Variants in CAPZB observed in about 807,000 individuals in gnomAD.
CAPZB encodes the protein capping actin protein of muscle Z-line subunit beta.
CAPZB carries 2 observed loss-of-function variants against 38.1 expected under a neutral mutation model. That is an observed-to-expected ratio of 0.05 (90% CI 0.02 to 0.17). The LOEUF is 0.17. CAPZB is among the 10% of genes least tolerant of loss of function. CAPZB has a pLI of 1.00. For synonymous variants in CAPZB, 107 were observed against 127.4 expected (o/e 0.84, Z 1.08); for missense variants, 161 against 334.2 (o/e 0.48, Z 4.04).
At position 19,475,845 on chromosome 1, in the gene CAPZB, T is replaced by G. The variant is rs549542238; in HGVS notation, c.3+9591A>C. 2.4e-4 allele frequency among the ~76,000 whole-genome samples: 36 copies of G among 152,342 alleles called. No individual in the cohort carries two copies. The South Asian group carries it at 7.5e-3, about 32-fold the overall frequency. ...ACATTTATTAAGGACCTACTGGACA[T>G]TCAGTCATTCATCTAACACCTGTAG... On this transcript the variant is annotated intron_variant, in intron 1 of 8. Transcript: ENST00000264202.
chr1:19,391,607 C>T (rs536308639), intron 2 of CAPZB, among the ~76,000 whole-genome samples: 98 of 152,328 alleles, frequency 6.4e-4, no homozygotes, highest in African/African-American at 2.2e-3. Context: ...CACATACACT[C>T]GTGTCAGAAA....
intron 4 of CAPZB, among the ~76,000 whole-genome samples, chr1:19,376,265 C>T (rs754215106): frequency 2.0e-5 from 3 of 152,168 alleles, no homozygotes; most frequent in African/African-American, 7.2e-5. Flanking sequence ...ACGCATGGCA[C>T]GTTAGCTCCC....
intron 2 of CAPZB, among the ~76,000 whole-genome samples, chr1:19,405,923 C>CT (rs2094329626): frequency 6.6e-6 from 1 of 152,232 alleles, no homozygotes; most frequent in Non-Finnish European, 1.5e-5. Flanking sequence ...CTCACACCCC[C>CT]TCTCCTGTAC....
Position 19,456,477 on chromosome 1 carries a change from C to T in CAPZB, c.3+28959G>A, listed in dbSNP as rs114178539. Among the ~76,000 whole-genome samples the T allele has an allele frequency of 7.8e-3, 1,192 of 152,238 alleles. 21 individuals carry two copies. Among genetic ancestry groups the T allele is most frequent in the African/African-American group, 0.027 (1,134 of 41,528 alleles). ...CTGGTATACAACAGGACCATCTTTC[C>T]AGCGTTAGCCTCAATATCCCAGTCT... is the stretch of plus-strand genomic sequence containing the variant. On this transcript the variant is annotated intron_variant, in intron 1 of 8. Coordinates refer to ENST00000264202, the MANE Select transcript of CAPZB (RefSeq NM_004930.5).
chr1:19,449,537 C>T (rs1043185708), intron 1 of CAPZB, among the ~76,000 whole-genome samples: 2 of 152,038 alleles, frequency 1.3e-5, no homozygotes, highest in East Asian at 1.9e-4. Context: ...CCTGTAATCT[C>T]GGCACTTTGG....
In CAPZB at chr1:19,381,974, G is replaced by A. The variant is rs1357708018; in HGVS notation, c.216-3321C>T. Reference sequence around the variant, plus strand: ...GGGGAGTGGATAAGAATCTGAGGGTGTGGAGCTGAATTCCCTCCTTCCCCT... The same window carrying A: ...GGGGAGTGGATAAGAATCTGAGGGTATGGAGCTGAATTCCCTCCTTCCCCT... On this transcript the variant is annotated intron_variant, in intron 3 of 8. Transcript: ENST00000264202. 5.9e-5 allele frequency among the ~76,000 whole-genome samples: 9 copies of A among 152,278 alleles called. No homozygotes were observed. In the East Asian group the frequency reaches 1.5e-3, roughly 26 times the overall value.
At chr1:19,396,924 G>T (rs2094273921) in intron 2 of CAPZB, among the ~76,000 whole-genome samples, 2 of 151,922 alleles carry the variant, frequency 1.3e-5, no homozygotes, top group South Asian at 4.2e-4. Flanking sequence ...CTACACTCCA[G>T]CCTGGGTGAC....
intron 2 of CAPZB, among the ~76,000 whole-genome samples, chr1:19,390,011 C>T (rs985581361): frequency 8.5e-5 from 13 of 152,216 alleles, no homozygotes; most frequent in African/African-American, 1.9e-4. Flanking sequence ...CCAGCCTCAG[C>T]GCAGCATCAC....
intron 4 of CAPZB, among the ~76,000 whole-genome samples, chr1:19,362,585 CT>C (rs1309891005): frequency 6.6e-6 from 1 of 151,958 alleles, no homozygotes; most frequent in African/African-American, 2.4e-5. Context: ...AATCCTAGCA[CT>C]TTGGGAGGCT....
chr1:19,379,100 C>CTTTTTTTTTTTCT (rs1558202521), intron 3 of CAPZB, among the ~76,000 whole-genome samples: 2 of 138,250 alleles, frequency 1.4e-5, no homozygotes, highest in Non-Finnish European at 3.1e-5. Flanking sequence ...TTTTTTCTTT[C>CTTTTTTTTTTTCT]TTTTTTTTTT....
intron 4 of CAPZB, among the ~76,000 whole-genome samples, chr1:19,373,788 C>T (rs2094131565): frequency 6.6e-6 from 1 of 151,958 alleles, no homozygotes; most frequent in South Asian, 2.1e-4. Flanking sequence ...AACTCCTGGG[C>T]TCAAGCAATC....
At chr1:19,444,292 C>A (rs1192581132) in intron 1 of CAPZB, among the ~76,000 whole-genome samples, 1 of 152,184 alleles carries the variant, frequency 6.6e-6, no homozygotes, top group African/African-American at 2.4e-5. Context: ...CCAGGGCTTG[C>A]CCCTCCATCA....
intron 4 of CAPZB, among the ~76,000 whole-genome samples, chr1:19,372,727 T>C (rs934018495): frequency 2.6e-5 from 4 of 152,096 alleles, no homozygotes; most frequent in African/African-American, 9.7e-5. Context: ...GAGTGTCAAA[T>C]GATCCTCCGA....
chr1:19,385,933 G>A (rs2094201697), intron 2 of CAPZB: 3 of 448,824 alleles, frequency 6.7e-6, no homozygotes, highest in Non-Finnish European at 1.3e-5. Context: ...GTGTGTATGT[G>A]CTTGGTATTG....
chr1:19,405,239 G>A (rs533892683), intron 2 of CAPZB, among the ~76,000 whole-genome samples: 5 of 152,168 alleles, frequency 3.3e-5, no homozygotes, highest in African/African-American at 1.2e-4. Flanking sequence ...TGGCCATATC[G>A]ACATGTGGCC....
intron 1 of CAPZB, among the ~76,000 whole-genome samples, chr1:19,455,871 AG>A (rs1553291486): frequency 6.6e-6 from 1 of 152,198 alleles, no homozygotes; most frequent in Non-Finnish European, 1.5e-5. Flanking sequence ...AGGAAAAACA[AG>A]GGCCAGTTTC....
intron 1 of CAPZB, among the ~76,000 whole-genome samples, chr1:19,456,596 GA>G (rs947394693): frequency 6.6e-6 from 1 of 151,982 alleles, no homozygotes; most frequent in African/African-American, 2.4e-5. Flanking sequence ...CCCCCGTACA[GA>G]AAAAAATTCA....
intron 1 of CAPZB, among the ~76,000 whole-genome samples, chr1:19,442,009 C>CAAAACAAAAAAAA (rs1553287699): frequency 1.2e-5 from 1 of 86,040 alleles, no homozygotes. Flanking sequence ...ACTCTGTCTC[C>CAAAACAAAAAAAA]AAAAAAAAAA....
chr1:19,391,502 C>T (rs754019326), intron 2 of CAPZB, among the ~76,000 whole-genome samples: 1 of 152,184 alleles, frequency 6.6e-6, no homozygotes, highest in African/African-American at 2.4e-5. Context: ...CTGCAGCTGC[C>T]GACGTCCAGC....
Sources: allele counts gnomAD v4.1 joint callset (sites outside exome capture counted in the v4.1 genomes callset), GRCh38; gene constraint gnomAD v4.1.1; transcripts MANE v1.5; gene names NCBI Gene and HGNC (gene_info 2026-07-23, HGNC 2026-07-21).